MACROD2: variants seen among roughly 807,000 people sequenced by gnomAD.
MACROD2 encodes the protein mono-ADP ribosylhydrolase 2.
Under a neutral mutation model 70.4 loss-of-function variants are expected in MACROD2, and 36 were observed. That is an observed-to-expected ratio of 0.51 (90% confidence interval 0.39 to 0.68). The LOEUF (loss-of-function observed/expected upper bound fraction) is 0.68. MACROD2 is among the 30% of genes least tolerant of loss of function. The pLI is 0.00. For missense variants in MACROD2, 496 were observed against 538.4 expected, an observed-to-expected ratio of 0.92 and a Z score of 0.78; for synonymous variants, 172 against 178.8, an observed-to-expected ratio of 0.96 and a Z score of 0.30.
intron 3 of MACROD2, among the ~76,000 whole-genome samples, chr20:14,328,760 C>T (rs985783038): frequency 6.6e-6 from 1 of 152,072 alleles, no homozygotes; most frequent in Admixed American, 6.6e-5. Context: ...TGTCAATGAA[C>T]ATTCCAGCTG....
At chr20:14,008,631 A>G (rs1415527066) in intron 2 of MACROD2, among the ~76,000 whole-genome samples, 1 of 152,230 alleles carries the variant, frequency 6.6e-6, no homozygotes, top group Non-Finnish European at 1.5e-5. Flanking sequence ...TAAAATTCAT[A>G]TGGAACCAAA....
chr20:15,603,504 CAAAAA>C (rs35734719), intron 8 of MACROD2, among the ~76,000 whole-genome samples: 1 of 97,958 alleles, frequency 1.0e-5, no homozygotes, highest in Non-Finnish European at 2.2e-5. Flanking sequence ...TGAGACGTCT[CAAAAA>C]AAAAAAAAAA....
chr20:14,695,786 C>G (rs1446722553), intron 5 of MACROD2, among the ~76,000 whole-genome samples: 1 of 152,236 alleles, frequency 6.6e-6, no homozygotes, highest in Non-Finnish European at 1.5e-5. Context: ...TGGCTGACAG[C>G]TTGACTCCAA....
chr20:15,805,479 CT>C (rs11336153), intron 8 of MACROD2, among the ~76,000 whole-genome samples: 14,538 of 141,940 alleles, frequency 0.1, 1,532 homozygotes, highest in East Asian at 0.3. Flanking sequence ...AGGAATATTT[CT>C]TTTTTTTTTT....
chr20:16,008,242 G>C (rs993396375), intron 15 of MACROD2, among the ~76,000 whole-genome samples: 1 of 152,150 alleles, frequency 6.6e-6, no homozygotes, highest in Non-Finnish European at 1.5e-5. Context: ...CTGGTTAGTC[G>C]TTTATCTCGC....
intron 5 of MACROD2, among the ~76,000 whole-genome samples, chr20:15,062,126 G>A (rs138787911): frequency 1.3e-5 from 2 of 152,146 alleles, no homozygotes; most frequent in Non-Finnish European, 1.5e-5. Flanking sequence ...AGTGCTTCTA[G>A]TGGAAAGGAA....
chr20:14,075,438 T>A (rs2053905590), intron 2 of MACROD2, among the ~76,000 whole-genome samples: 1 of 152,196 alleles, frequency 6.6e-6, no homozygotes, highest in Admixed American at 6.5e-5. Flanking sequence ...ACATATTCCC[T>A]GTGGATAGGA....
At chr20:14,253,945 C>T (rs2082032116) in intron 3 of MACROD2, among the ~76,000 whole-genome samples, 1 of 151,840 alleles carries the variant, frequency 6.6e-6, no homozygotes, top group Non-Finnish European at 1.5e-5. Flanking sequence ...TAAAGTAAAA[C>T]ATCATTTAGA....
At chr20:14,501,878 C>G (rs1266818458) in intron 4 of MACROD2, among the ~76,000 whole-genome samples, 1 of 152,082 alleles carries the variant, frequency 6.6e-6, no homozygotes, top group Non-Finnish European at 1.5e-5. Context: ...TATCTATAAA[C>G]AAATATTTTA....
At chr20:14,123,807 G>A (rs1457283812) in intron 3 of MACROD2, among the ~76,000 whole-genome samples, 1 of 152,154 alleles carries the variant, frequency 6.6e-6, no homozygotes, top group Non-Finnish European at 1.5e-5. Flanking sequence ...AAGAGAGTAA[G>A]TAAACAGTGG....
At chr20:14,327,553 A>G (rs1296215279) in intron 3 of MACROD2, 1 of 1,542,958 alleles carries the variant, frequency 6.5e-7, no homozygotes, top group Non-Finnish European at 8.7e-7. Flanking sequence ...CCGTTACTTC[A>G]GAACCCTAAA....
chr20:13,999,237 C>T (rs1450168188), intron 1 of MACROD2, among the ~76,000 whole-genome samples: 2 of 152,122 alleles, frequency 1.3e-5, no homozygotes, highest in African/African-American at 4.8e-5. Context: ...TAACAGTGCT[C>T]GGATCTCTTC....
intron 2 of MACROD2, among the ~76,000 whole-genome samples, chr20:14,024,872 G>A (rs943609939): frequency 6.6e-6 from 1 of 152,160 alleles, no homozygotes; most frequent in African/African-American, 2.4e-5. Context: ...GTATCAGGAT[G>A]ATGACTGTCC....
chr20:15,566,187 A>G (rs1044410550), intron 8 of MACROD2, among the ~76,000 whole-genome samples: 2 of 152,126 alleles, frequency 1.3e-5, no homozygotes, highest in African/African-American at 4.8e-5. Context: ...CCCCATTAGA[A>G]ATACAATCCC....
rs182331930 is a variant in MACROD2, at chr20:16,053,123, A to G, written c.*3247A>G. 6.6e-5 allele frequency: 10 copies of G among 152,568 alleles called. No homozygotes were observed. Among genetic ancestry groups the G allele is most frequent in the Admixed American group, 1.3e-4 (2 of 15,276 alleles). 9.5% of individuals were successfully genotyped at this position (152,568 alleles called of 1,614,324 possible). A position where few individuals can be genotyped will look rare whatever the true frequency, so the allele number is the denominator to read the frequency against. On this transcript the variant is annotated 3_prime_UTR_variant, in exon 18 of 18. Transcript: ENST00000684519. ...CTTTTCATCTGTGCCATACACTAAA[A>G]AACAACTGTTGCCTTCATACTATAT...
intron 8 of MACROD2, among the ~76,000 whole-genome samples, chr20:15,557,533 T>C (rs971631658): frequency 6.6e-6 from 1 of 152,252 alleles, no homozygotes; most frequent in African/African-American, 2.4e-5. Flanking sequence ...AAGCTTACCA[T>C]TGGCCCCTTG....
At chr20:15,865,066 A>G (rs1033526351) in intron 9 of MACROD2, among the ~76,000 whole-genome samples, 3 of 152,162 alleles carry the variant, frequency 2.0e-5, no homozygotes, top group African/African-American at 7.2e-5. Context: ...ATTTCCCTAT[A>G]GTGCATTATT....
At chr20:15,626,564 CTGCAAA>C (rs2049205579) in intron 8 of MACROD2, among the ~76,000 whole-genome samples, 1 of 152,154 alleles carries the variant, frequency 6.6e-6, no homozygotes, top group Admixed American at 6.5e-5. Context: ...ATTTAGAAAA[CTGCAAA>C]TGGGGTGGGC....
intron 5 of MACROD2, among the ~76,000 whole-genome samples, chr20:14,715,880 A>G (rs1046901252): frequency 6.6e-6 from 1 of 152,218 alleles, no homozygotes; most frequent in African/African-American, 2.4e-5. Flanking sequence ...TTTGCTGCTG[A>G]AACAGAAAAA....
Sources: allele counts gnomAD v4.1 joint callset (sites outside exome capture counted in the v4.1 genomes callset), GRCh38; gene constraint gnomAD v4.1.1; transcripts MANE v1.5; gene names NCBI Gene and HGNC (gene_info 2026-07-23, HGNC 2026-07-21).